Variants in SPSB1 observed in about 807,000 individuals in gnomAD.
The protein encoded by SPSB1 is splA/ryanodine receptor domain and SOCS box containing 1.
SPSB1 carries 8 observed loss-of-function variants against 21.2 expected under a neutral mutation model. The observed-to-expected ratio is 0.38, with a 90% CI of 0.22 to 0.68. The LOEUF is 0.68. Ranked by LOEUF, SPSB1 falls within the 30% of genes least tolerant of loss-of-function variation. SPSB1 has a pLI of 0.53. For synonymous variants in SPSB1, 169 were observed against 161.7 expected (o/e 1.05, Z -0.34); for missense variants, 242 against 377.8 (o/e 0.64, Z 2.98).
At chr1:9,330,108 G>A (rs951924086) in intron 1 of SPSB1, among the ~76,000 whole-genome samples, 10 of 152,192 alleles carry the variant, frequency 6.6e-5, no homozygotes, top group African/African-American at 2.4e-4. Context: ...AAAGATCAGT[G>A]GCGTAAATAA....
At position 9,321,516 on chromosome 1, in the gene SPSB1, C is replaced by G. The variant is rs973490125; in HGVS notation, c.-150+28445C>G. Among the ~76,000 whole-genome samples, 6 of 152,192 alleles carry G rather than the reference C, an allele frequency of 3.9e-5. No individual in the cohort carries two copies. Among genetic ancestry groups the G allele is most frequent in the Non-Finnish European group, 5.9e-5 (4 of 68,036 alleles). On this transcript the variant is annotated intron_variant, in intron 1 of 2. Transcript: ENST00000328089. The surrounding 1 kb of genome is among the most constrained non-coding windows in gnomAD (Gnocchi z 4.8). ...CCAGACCTTTACCGAACACTTACTG[C>G]GTGCCAAGGATTCAGCTCAGAACGG...
chr1:9,330,353 T>C (rs1639893752), intron 1 of SPSB1, among the ~76,000 whole-genome samples: 1 of 152,086 alleles, frequency 6.6e-6, no homozygotes, highest in Non-Finnish European at 1.5e-5. Flanking sequence ...GCATCTCTAC[T>C]ACTCAGGAGG....
Position 9,348,160 on chromosome 1 carries a change from G to T in SPSB1, c.-149-7583G>T, listed in dbSNP as rs1640194038. Among the ~76,000 whole-genome samples, 1 of 151,864 alleles carries T rather than the reference G, an allele frequency of 6.6e-6. No individual in the cohort carries two copies. The highest frequency in any genetic ancestry group is 2.4e-5 in the African/African-American group (1 of 41,348). On this transcript the variant is annotated intron_variant, in intron 1 of 2. Coordinates refer to ENST00000328089, the MANE Select transcript of SPSB1 (RefSeq NM_025106.4). This position sits in a 1 kb window ranked among gnomAD's most constrained non-coding sequence, Gnocchi z 4.8. Reference sequence around the variant, plus strand: ...GGGTTTCACTATGTTGGCCAGACTGGTCTCAAACTCCTGACCTCAGGTGAT... The same window carrying T: ...GGGTTTCACTATGTTGGCCAGACTGTTCTCAAACTCCTGACCTCAGGTGAT...
chr1:9,296,528 C>T lies in SPSB1; in HGVS notation c.-150+3457C>T, dbSNP rs114121947. On this transcript the variant is annotated intron_variant, in intron 1 of 2. Coordinates refer to ENST00000328089, the MANE Select transcript of SPSB1 (RefSeq NM_025106.4). ...ATCAGGTTTCCTCACCTCGCATGCA[C>T]ACACATACACATACTCACATATGCA... Among the ~76,000 whole-genome samples the T allele has an allele frequency of 4.5e-3, 681 of 152,340 alleles. 6 individuals are homozygous for T. Among genetic ancestry groups the T allele is most frequent in the African/African-American group, 0.015 (639 of 41,576 alleles).
chr1:9,362,407 G>A (rs1201217315), intron 2 of SPSB1, among the ~76,000 whole-genome samples: 1 of 152,236 alleles, frequency 6.6e-6, no homozygotes, highest in Non-Finnish European at 1.5e-5. Context: ...TCTTTCGTAA[G>A]AACTGCGTAG....
chr1:9,301,516 A>G (rs573368838), intron 1 of SPSB1, among the ~76,000 whole-genome samples: 50 of 150,682 alleles, frequency 3.3e-4, no homozygotes, highest in African/African-American at 1.1e-3. Context: ...CAAAAAAGCA[A>G]TTGGGGGAAG....
rs1640209676 is a variant in SPSB1 at position 9,349,064 on chromosome 1, C to A, written c.-149-6679C>A. Among the ~76,000 whole-genome samples, 2 of 152,176 alleles carry A rather than the reference C, an allele frequency of 1.3e-5. 1 individual carries two copies. The highest frequency in any genetic ancestry group is 4.1e-4 in the South Asian group (2 of 4,826). On this transcript the variant is annotated intron_variant, in intron 1 of 2. Coordinates refer to ENST00000328089, the MANE Select transcript of SPSB1 (RefSeq NM_025106.4). ...GAAGCCAAACCCCAGGGCTTCGTGTCATCTGGTGTCCCCGCAGGTAGCCCC... is the reference window on the plus strand; with the variant it reads ...GAAGCCAAACCCCAGGGCTTCGTGTAATCTGGTGTCCCCGCAGGTAGCCCC...
intron 1 of SPSB1, among the ~76,000 whole-genome samples, chr1:9,297,178 C>T (rs955718691): frequency 6.6e-6 from 1 of 152,132 alleles, no homozygotes; most frequent in Non-Finnish European, 1.5e-5. Flanking sequence ...CTTAGCCTGA[C>T]CCTCTTGAGT....
chr1:9,361,156 C>CTTTTCTTTTTTTTTTT (rs1553128955), intron 2 of SPSB1, among the ~76,000 whole-genome samples: 9 of 102,576 alleles, frequency 8.8e-5, no homozygotes, highest in African/African-American at 3.7e-4. Flanking sequence ...CTGTCATTTT[C>CTTTTCTTTTTTTTTTT]TTTTTTTTTT....
chr1:9,334,519 C>T (rs1639973008), intron 1 of SPSB1, among the ~76,000 whole-genome samples: 2 of 152,132 alleles, frequency 1.3e-5, no homozygotes. Context: ...CCGTGCCTGG[C>T]CAAATTTACC....
Position 9,367,389 on chromosome 1 carries a change from C to T in SPSB1, c.695-59C>T, listed in dbSNP as rs1343564692. 10 of 1,610,548 alleles carry T rather than the reference C, an allele frequency of 6.2e-6. No homozygotes were observed. Among genetic ancestry groups the T allele is most frequent in the East Asian group, 2.2e-5 (1 of 44,878 alleles). ...GTGATAATATTGCTGCTGTGGTTAG[C>T]GCTGTTTGCTGAACACCCACCCAAG... On this transcript the variant is annotated intron_variant, in intron 2 of 2. Transcript: ENST00000328089. This position sits in a 1 kb window ranked among gnomAD's most constrained non-coding sequence, Gnocchi z 5.9.
At chr1:9,307,810 C>T (rs1285611108) in intron 1 of SPSB1, among the ~76,000 whole-genome samples, 1 of 152,212 alleles carries the variant, frequency 6.6e-6, no homozygotes, top group Admixed American at 6.5e-5. Flanking sequence ...TTGAGCCCAT[C>T]AGCAGTTCCC....
At chr1:9,322,607 C>T (rs1290728194) in intron 1 of SPSB1, among the ~76,000 whole-genome samples, 10 of 152,140 alleles carry the variant, frequency 6.6e-5, no homozygotes, top group Non-Finnish European at 1.2e-4. Context: ...GAAGTGGCAT[C>T]GTTGCGGACA....
chr1:9,348,137 G>A lies in SPSB1; in HGVS notation c.-149-7606G>A, dbSNP rs143105028. Among the ~76,000 whole-genome samples the A allele has an allele frequency of 0.012, 1,786 of 151,864 alleles. 23 individuals carry two copies. Among genetic ancestry groups the A allele is most frequent in the African/African-American group, 0.039 (1,617 of 41,390 alleles). ...TTTTTGTATTTTTAGTAGAGATGGG[G>A]TTTCACTATGTTGGCCAGACTGGTC... On this transcript the variant is annotated intron_variant, in intron 1 of 2. Coordinates refer to ENST00000328089, the MANE Select transcript of SPSB1 (RefSeq NM_025106.4). This position sits in a 1 kb window ranked among gnomAD's most constrained non-coding sequence, Gnocchi z 4.8.
At chr1:9,342,074 G>T (rs1640100432) in intron 1 of SPSB1, among the ~76,000 whole-genome samples, 1 of 152,212 alleles carries the variant, frequency 6.6e-6, no homozygotes, top group South Asian at 2.1e-4. Flanking sequence ...AAGGTCTTGA[G>T]AAGCTCATTC....
intron 1 of SPSB1, among the ~76,000 whole-genome samples, chr1:9,351,150 G>A: frequency 6.6e-6 from 1 of 152,230 alleles, no homozygotes; most frequent in East Asian, 1.9e-4. Context: ...AAGTTTTATT[G>A]AAACACATTC....
At chr1:9,294,472 A>G (rs943536258) in intron 1 of SPSB1, 1 of 152,328 alleles carries the variant, frequency 6.6e-6, no homozygotes, top group African/African-American at 2.4e-5. Context: ...ATGCTGGGCC[A>G]CAGACACCCC....
intron 1 of SPSB1, among the ~76,000 whole-genome samples, chr1:9,333,088 C>A (rs1041443144): frequency 5.3e-5 from 8 of 152,346 alleles, no homozygotes; most frequent in Middle Eastern, 3.4e-3. Context: ...CAAGAATCAG[C>A]CTCCCAGGTG....
At chr1:9,336,045 G>A (rs1350745464) in intron 1 of SPSB1, among the ~76,000 whole-genome samples, 3 of 152,210 alleles carry the variant, frequency 2.0e-5, no homozygotes, top group Non-Finnish European at 4.4e-5. Flanking sequence ...GACTCTTCGT[G>A]TCTGTCCATT....
Sources: allele counts gnomAD v4.1 joint callset (sites outside exome capture counted in the v4.1 genomes callset), GRCh38; gene constraint gnomAD v4.1.1; non-coding constraint Gnocchi (gnomAD v3.1); transcripts MANE v1.5; gene names NCBI Gene and HGNC (gene_info 2026-07-23, HGNC 2026-07-21).